PACRG: variants seen among roughly 807,000 people sequenced by gnomAD.
PACRG encodes the protein parkin coregulated.
A neutral mutation model predicts 29.7 loss-of-function variants in PACRG; 29 were observed. The ratio of observed to expected loss-of-function variants is 0.98; its 90% CI spans 0.73 to 1.33. The LOEUF is 1.33. Ranked by LOEUF, PACRG falls within the 40% of genes most tolerant of loss-of-function variation. The pLI is 0.00. For synonymous variants in PACRG, 116 were observed against 118.7 expected (o/e 0.98, Z 0.15); for missense variants, 279 against 316.2 (o/e 0.88, Z 0.89).
intron 4 of PACRG, among the ~76,000 whole-genome samples, chr6:163,308,912 G>C (rs1785296481): frequency 6.6e-6 from 1 of 152,242 alleles, no homozygotes; most frequent in East Asian, 1.9e-4. Flanking sequence ...GGTCTTAATA[G>C]GTGAAAATCC....
intron 2 of PACRG, among the ~76,000 whole-genome samples, chr6:162,886,798 C>G (rs1794369387): frequency 6.6e-6 from 1 of 152,088 alleles, no homozygotes; most frequent in Admixed American, 6.5e-5. Context: ...GGAAAACATG[C>G]AGGAACAAGA....
chr6:162,914,542 C>A (rs1380413339), intron 2 of PACRG, among the ~76,000 whole-genome samples: 1 of 74,762 alleles, frequency 1.3e-5, no homozygotes, highest in Non-Finnish European at 2.7e-5. Flanking sequence ...GTTGTTTGGG[C>A]TTTCCTAAGC....
intron 2 of PACRG, among the ~76,000 whole-genome samples, chr6:162,830,118 C>T (rs1038333908): frequency 7.9e-5 from 12 of 152,084 alleles, no homozygotes; most frequent in African/African-American, 2.9e-4. Context: ...CACCCTCTTG[C>T]CCCATTCCTC....
intron 2 of PACRG, among the ~76,000 whole-genome samples, chr6:162,931,329 G>A (rs1026708186): frequency 2.0e-5 from 3 of 151,688 alleles, no homozygotes; most frequent in Non-Finnish European, 4.4e-5. Context: ...ATGTTTACGA[G>A]GTCCAGTTTT....
At chr6:162,847,617 C>T (rs1438399396) in intron 2 of PACRG, among the ~76,000 whole-genome samples, 1 of 151,352 alleles carries the variant, frequency 6.6e-6, no homozygotes, top group African/African-American at 2.4e-5. Flanking sequence ...TACGAATGGA[C>T]GTGGTCCCCA....
chr6:163,141,321 T>C (rs750285766), intron 4 of PACRG, among the ~76,000 whole-genome samples: 2 of 152,184 alleles, frequency 1.3e-5, no homozygotes, highest in East Asian at 3.9e-4. Flanking sequence ...ACAGCCGAAG[T>C]GAGTACATTA....
At chr6:163,078,503 A>C (rs1242529007) in intron 3 of PACRG, among the ~76,000 whole-genome samples, 1 of 137,220 alleles carries the variant, frequency 7.3e-6, no homozygotes, top group Non-Finnish European at 1.6e-5. Flanking sequence ...TCAAAAAAAA[A>C]GGGGGGGAGG....
chr6:163,226,646 G>A (rs1781814263), intron 4 of PACRG, among the ~76,000 whole-genome samples: 1 of 152,162 alleles, frequency 6.6e-6, no homozygotes. Flanking sequence ...GCAGGCTGCT[G>A]GAGGAAGGGG....
chr6:163,268,610 A>T (rs1783624659), intron 4 of PACRG, among the ~76,000 whole-genome samples: 1 of 152,124 alleles, frequency 6.6e-6, no homozygotes, highest in African/African-American at 2.4e-5. Flanking sequence ...CTGATGGCCA[A>T]ATCCTTACTT....
intron 1 of PACRG, among the ~76,000 whole-genome samples, chr6:162,772,830 A>G (rs1317124415): frequency 6.6e-6 from 1 of 152,214 alleles, no homozygotes; most frequent in Non-Finnish European, 1.5e-5. Flanking sequence ...TTTACAGAGG[A>G]AAGAATATGA....
At chr6:162,969,132 G>T (rs1399450192) in intron 2 of PACRG, among the ~76,000 whole-genome samples, 1 of 150,648 alleles carries the variant, frequency 6.6e-6, no homozygotes, top group African/African-American at 2.4e-5. Flanking sequence ...ACTAATAGAG[G>T]TCCGGTAACT....
At chr6:163,221,330 G>A (rs1781574420) in intron 4 of PACRG, among the ~76,000 whole-genome samples, 1 of 152,222 alleles carries the variant, frequency 6.6e-6, no homozygotes, top group Admixed American at 6.5e-5. Flanking sequence ...GTTGCGGGAA[G>A]GTTGATGCCA....
At chr6:162,946,823 T>G (rs1034515764) in intron 2 of PACRG, among the ~76,000 whole-genome samples, 5 of 152,138 alleles carry the variant, frequency 3.3e-5, no homozygotes, top group Non-Finnish European at 5.9e-5. Flanking sequence ...TGGTTCAACA[T>G]ATGCAAATCA....
In PACRG at chr6:162,767,393, C is replaced by A. The variant is rs140049768; in HGVS notation, c.156+39002C>A. Among the ~76,000 whole-genome samples, 1,134 of 151,926 alleles carry A rather than the reference C, an allele frequency of 7.5e-3. 14 individuals carry two copies. The highest frequency in any genetic ancestry group is 0.026 in the African/African-American group (1,077 of 41,508). On this transcript the variant is annotated intron_variant, in intron 1 of 4. Transcript: ENST00000366888. ...TATAATTTTTATCATTATGCATTGA[C>A]CCTTTTTTCTCTTAAAGTGTTTCTT...
intron 2 of PACRG, among the ~76,000 whole-genome samples, chr6:163,006,211 T>TATATATATATGTATATATATATATATCCC (rs1295482774): frequency 0.041 from 2,167 of 52,340 alleles, 73 homozygotes; most frequent in African/African-American, 0.13. Flanking sequence ...ATATATCCCA[T>TATATATATATGTATATATATATATATCCC]ATATATATAT....
intron 2 of PACRG, among the ~76,000 whole-genome samples, chr6:162,927,516 G>A (rs1178255415): frequency 1.3e-5 from 2 of 151,970 alleles, no homozygotes; most frequent in Non-Finnish European, 2.9e-5. Flanking sequence ...CATGGATGGA[G>A]CTGGAAGCCA....
At chr6:163,289,472 T>C (rs1386214270) in intron 4 of PACRG, among the ~76,000 whole-genome samples, 1 of 152,208 alleles carries the variant, frequency 6.6e-6, no homozygotes, top group Non-Finnish European at 1.5e-5. Flanking sequence ...CTCCTCAATA[T>C]TTATTTCTAA....
chr6:163,257,125 C>G (rs1783144148), intron 4 of PACRG, among the ~76,000 whole-genome samples: 1 of 152,098 alleles, frequency 6.6e-6, no homozygotes. Context: ...TGTTCTTATA[C>G]CGAGATCCTT....
chr6:163,274,525 A>G (rs1783956364), intron 4 of PACRG, among the ~76,000 whole-genome samples: 1 of 152,206 alleles, frequency 6.6e-6, no homozygotes, highest in Non-Finnish European at 1.5e-5. Flanking sequence ...AGCATGATTT[A>G]TAATCCTTTG....
Sources: gnomAD v4.1 joint callset for allele counts (sites outside exome capture counted in the v4.1 genomes callset) on GRCh38, gnomAD v4.1.1 for gene constraint, MANE v1.5 for transcripts, NCBI Gene and HGNC (gene_info 2026-07-23, HGNC 2026-07-21) for gene names.